GPC6: variants seen among roughly 807,000 people sequenced by gnomAD.
GPC6 encodes the protein glypican-6.
A neutral mutation model predicts 55.2 loss-of-function variants in GPC6; 14 were observed. The ratio of observed to expected loss-of-function variants is 0.25; its 90% confidence interval spans 0.17 to 0.40. The LOEUF (loss-of-function observed/expected upper bound fraction) is 0.40, where lower values mean the gene tolerates loss of function less well. Ranked by LOEUF, GPC6 falls within the 10% of genes least tolerant of loss-of-function variation. GPC6 has a pLI of 1.00. For missense variants in GPC6, 641 were observed against 708.5 expected, an observed-to-expected ratio of 0.90 and a Z score of 1.08; for synonymous variants, 278 against 259.6, an observed-to-expected ratio of 1.07 and a Z score of -0.68.
At chr13:93,684,818 A>G (rs937957289) in intron 2 of GPC6, among the ~76,000 whole-genome samples, 9 of 152,178 alleles carry the variant, frequency 5.9e-5, no homozygotes, top group African/African-American at 2.2e-4. Context: ...CACATTATCA[A>G]TCTGGAAACA....
chr13:94,048,701 G>T (rs9589889), intron 4 of GPC6, among the ~76,000 whole-genome samples: 2 of 151,698 alleles, frequency 1.3e-5, no homozygotes, highest in Admixed American at 1.3e-4. Flanking sequence ...TGGTCTGGTC[G>T]CAGGAGGCAA....
intron 6 of GPC6, among the ~76,000 whole-genome samples, chr13:94,329,517 A>G (rs1877300098): frequency 6.6e-6 from 1 of 152,208 alleles, no homozygotes; most frequent in Non-Finnish European, 1.5e-5. Flanking sequence ...CCCAAATTAC[A>G]CAGCCAAGGT....
At chr13:94,372,553 G>A (rs1207489496) in intron 6 of GPC6, among the ~76,000 whole-genome samples, 5 of 152,114 alleles carry the variant, frequency 3.3e-5, no homozygotes, top group South Asian at 2.1e-4. Flanking sequence ...CACCTGGCTC[G>A]GAGGGTCCTA....
intron 3 of GPC6, among the ~76,000 whole-genome samples, chr13:93,847,870 A>G (rs1381501421): frequency 1.3e-5 from 2 of 152,176 alleles, no homozygotes; most frequent in Non-Finnish European, 2.9e-5. Context: ...AATACACACA[A>G]CTTTCTCCTG....
intron 4 of GPC6, among the ~76,000 whole-genome samples, chr13:94,262,622 G>A (rs979069871): frequency 1.0e-4 from 15 of 148,938 alleles, no homozygotes; most frequent in African/African-American, 3.2e-4. Flanking sequence ...GCAGTGAGAC[G>A]AGATCGTGCC....
At chr13:93,608,224 T>C (rs1269534538) in intron 2 of GPC6, among the ~76,000 whole-genome samples, 3 of 151,832 alleles carry the variant, frequency 2.0e-5, no homozygotes, top group African/African-American at 7.3e-5. Flanking sequence ...TTTTTTTTTT[T>C]ACAGAACAAA....
intron 4 of GPC6, among the ~76,000 whole-genome samples, chr13:94,165,919 A>G (rs953426204): frequency 1.4e-4 from 22 of 152,162 alleles, no homozygotes; most frequent in African/African-American, 4.3e-4. Context: ...TTACAAATAC[A>G]TATTTTGTGT....
intron 4 of GPC6, among the ~76,000 whole-genome samples, chr13:94,069,624 C>T (rs1360562377): frequency 4.6e-5 from 7 of 152,146 alleles, no homozygotes; most frequent in Non-Finnish European, 7.3e-5. Flanking sequence ...CTCTTGAATG[C>T]TTTGCTGCTT....
intron 1 of GPC6, among the ~76,000 whole-genome samples, chr13:93,439,961 T>A (rs367652280): frequency 6.6e-6 from 1 of 152,222 alleles, no homozygotes; most frequent in East Asian, 1.9e-4. Context: ...TGTAAATGTT[T>A]AATAACTGAA....
Position 94,118,899 on chromosome 13 carries a change from G to T in GPC6, c.877+91005G>T, listed in dbSNP as rs145097932. 5.4e-3 allele frequency among the ~76,000 whole-genome samples: 822 copies of T among 152,060 alleles called. 11 individuals are homozygous for T. The highest frequency in any genetic ancestry group is 0.013 in the South Asian group (63 of 4,822). ...AGAGAGTGTCTCTGGGCATAAGCAG[G>T]CTCCTCGACTAAACCTCCAGTAAGA... On this transcript the variant is annotated intron_variant, in intron 4 of 8. Transcript: ENST00000377047.
chr13:93,993,810 A>G (rs572139160), intron 3 of GPC6, among the ~76,000 whole-genome samples: 17 of 152,254 alleles, frequency 1.1e-4, no homozygotes, highest in South Asian at 2.1e-4. Context: ...CATGATTACT[A>G]TGGTTTTATG....
At chr13:93,737,773 T>G (rs1257364953) in intron 2 of GPC6, among the ~76,000 whole-genome samples, 1 of 152,174 alleles carries the variant, frequency 6.6e-6, no homozygotes, top group Non-Finnish European at 1.5e-5. Context: ...GACTCTATAC[T>G]CTAGAAATAG....
At chr13:94,148,104 T>A (rs1045071118) in intron 4 of GPC6, among the ~76,000 whole-genome samples, 8 of 152,162 alleles carry the variant, frequency 5.3e-5, no homozygotes, top group African/African-American at 1.9e-4. Context: ...CAGAGGAGAT[T>A]AGTGGTCCTT....
intron 4 of GPC6, among the ~76,000 whole-genome samples, chr13:94,243,894 G>A (rs1891125407): frequency 2.0e-5 from 3 of 152,082 alleles, no homozygotes; most frequent in Non-Finnish European, 4.4e-5. Flanking sequence ...AGGCTGGACA[G>A]GATGCTTTCT....
intron 3 of GPC6, among the ~76,000 whole-genome samples, chr13:93,970,822 A>C (rs187394052): frequency 7.6e-4 from 116 of 152,338 alleles, no homozygotes; most frequent in Admixed American, 1.7e-3. Flanking sequence ...TTAGCCTCAA[A>C]GGAAAGATGT....
upstream of GPC6, chr13:93,226,530 T>C (rs1397860372): frequency 1.3e-5 from 2 of 152,206 alleles, no homozygotes; most frequent in Non-Finnish European, 1.5e-5. Flanking sequence ...GGGACACATA[T>C]TAAGAGCAAC....
rs990470808 is a variant in GPC6, at chr13:93,733,278, G to A, written c.320-96876G>A. On this transcript the variant is annotated intron_variant, in intron 2 of 8. Coordinates refer to ENST00000377047, the MANE Select transcript of GPC6 (RefSeq NM_005708.5). Reference sequence around the variant, plus strand: ...GAAAACCATTAATAAGTAATACTATGTATTTTAATTATATTTTTACCATGC... The same window carrying A: ...GAAAACCATTAATAAGTAATACTATATATTTTAATTATATTTTTACCATGC... 5.9e-5 allele frequency among the ~76,000 whole-genome samples: 9 copies of A among 152,096 alleles called. No individual in the cohort carries two copies. The East Asian group carries it at 7.7e-4, about 13-fold the overall frequency.
chr13:93,506,855 A>C (rs1880737569), intron 1 of GPC6, among the ~76,000 whole-genome samples: 1 of 144,558 alleles, frequency 6.9e-6, no homozygotes. Context: ...CCTGGCTAAC[A>C]CGGTGAAACC....
intron 2 of GPC6, among the ~76,000 whole-genome samples, chr13:93,563,819 A>G (rs1216752315): frequency 6.6e-6 from 1 of 151,642 alleles, no homozygotes; most frequent in Non-Finnish European, 1.5e-5. Flanking sequence ...TATTCTTAGG[A>G]AATTATAAAA....
Sources: gnomAD v4.1 joint callset for allele counts (sites outside exome capture counted in the v4.1 genomes callset) on GRCh38, gnomAD v4.1.1 for gene constraint, MANE v1.5 for transcripts, NCBI Gene and HGNC (gene_info 2026-07-23, HGNC 2026-07-21) for gene names.